NRG1: variants seen among roughly 807,000 people sequenced by gnomAD.
NRG1 encodes the protein neuregulin 1, also known as pro-neuregulin-1, membrane-bound isoform.
In NRG1, 18 loss-of-function variants were observed where a neutral mutation model predicts 63.8. The ratio of observed to expected loss-of-function variants is 0.28; its 90% CI spans 0.19 to 0.42. The LOEUF (loss-of-function observed/expected upper bound fraction) is 0.42, where lower values mean the gene tolerates loss of function less well. Ranked by LOEUF, NRG1 falls within the 10% of genes least tolerant of loss-of-function variation. The probability of loss-of-function intolerance (pLI) is 1.00; values close to 1 mark genes in which losing one functional copy is unlikely to be tolerated. For synonymous variants in NRG1, 302 were observed against 301.3 expected, an observed-to-expected ratio of 1.00 and a Z score of -0.02; for missense variants, 762 against 814.7, an observed-to-expected ratio of 0.94 and a Z score of 0.79.
At chr8:31,830,022 C>T (rs1824952044) in intron 1 of NRG1, among the ~76,000 whole-genome samples, 1 of 152,216 alleles carries the variant, frequency 6.6e-6, no homozygotes, top group Non-Finnish European at 1.5e-5. Context: ...CTAAACTTTT[C>T]TTTCTGGTGA....
intron 1 of NRG1, among the ~76,000 whole-genome samples, chr8:32,075,723 AG>A (rs1323503024): frequency 1.4e-4 from 18 of 130,822 alleles, no homozygotes; most frequent in African/African-American, 4.1e-4. Flanking sequence ...CCCAGGCTGG[AG>A]TGCATTGGTG....
At chr8:32,360,591 G>T (rs765535761) in intron 1 of NRG1, among the ~76,000 whole-genome samples, 7 of 151,948 alleles carry the variant, frequency 4.6e-5, no homozygotes, top group African/African-American at 1.4e-4. Context: ...TTCTTTTGTC[G>T]TTTTACAGAA....
chr8:31,643,804 A>G (rs1804031920), intron 1 of NRG1, among the ~76,000 whole-genome samples: 1 of 152,230 alleles, frequency 6.6e-6, no homozygotes, highest in African/African-American at 2.4e-5. Flanking sequence ...TTTAGCTTCC[A>G]AAGCATTGTG....
intron 1 of NRG1, among the ~76,000 whole-genome samples, chr8:32,478,088 G>T (rs1307480401): frequency 6.6e-6 from 1 of 152,228 alleles, no homozygotes; most frequent in African/African-American, 2.4e-5. Flanking sequence ...TTGAGTGAGT[G>T]TTGCCACTTT....
chr8:32,618,084 T>C (rs1847700894), intron 5 of NRG1, among the ~76,000 whole-genome samples: 1 of 152,158 alleles, frequency 6.6e-6, no homozygotes, highest in African/African-American at 2.4e-5. Flanking sequence ...CATCATATCC[T>C]CCAAAATGAT....
At chr8:32,536,994 C>G (rs10108344) in intron 1 of NRG1, among the ~76,000 whole-genome samples, 143,928 of 144,146 alleles carry the variant, frequency 1, 71,856 homozygotes, top group Middle Eastern at 1. Flanking sequence ...TGTAATCCCA[C>G]CATTTTGGGA....
chr8:31,911,874 T>C (rs903864418), intron 1 of NRG1, among the ~76,000 whole-genome samples: 2 of 152,216 alleles, frequency 1.3e-5, no homozygotes, highest in African/African-American at 4.8e-5. Context: ...TAGAGTTCAG[T>C]AATGGATCTG....
intron 1 of NRG1, among the ~76,000 whole-genome samples, chr8:32,312,445 G>C (rs927288145): frequency 3.3e-5 from 5 of 150,564 alleles, no homozygotes; most frequent in African/African-American, 1.2e-4. Context: ...AAAGTGCTGG[G>C]ATTACAGGCA....
At chr8:32,274,349 G>A (rs796249674) in intron 1 of NRG1, among the ~76,000 whole-genome samples, 1 of 152,130 alleles carries the variant, frequency 6.6e-6, no homozygotes, top group East Asian at 1.9e-4. Flanking sequence ...GTGTGAAAAG[G>A]TTTCATTAAA....
chr8:32,748,396 G>GAGAGAGAGAT (rs1827986548), intron 7 of NRG1, among the ~76,000 whole-genome samples: 2 of 146,920 alleles, frequency 1.4e-5, no homozygotes, highest in Non-Finnish European at 3.0e-5. Flanking sequence ...GAGAGAGAGA[G>GAGAGAGAGAT]ATAAAGGAAG....
At chr8:32,673,991 C>T (rs142550532) in intron 5 of NRG1, among the ~76,000 whole-genome samples, 381 of 152,274 alleles carry the variant, frequency 2.5e-3, no homozygotes, top group African/African-American at 8.6e-3. Flanking sequence ...GTAATCTTGA[C>T]TCATTTTAAT....
chr8:32,014,641 G>C (rs1049815121), intron 1 of NRG1, among the ~76,000 whole-genome samples: 2 of 151,818 alleles, frequency 1.3e-5, no homozygotes, highest in Non-Finnish European at 2.9e-5. Context: ...AACTCACAAG[G>C]ACTTGATTTT....
chr8:32,084,462 T>C (rs1233791354), intron 1 of NRG1, among the ~76,000 whole-genome samples: 1 of 152,200 alleles, frequency 6.6e-6, no homozygotes, highest in Admixed American at 6.5e-5. Flanking sequence ...ATGTAAATTA[T>C]AGCTTGTGCC....
rs138642946 is a variant in NRG1 at position 31,929,657 on chromosome 8, T to C, written c.37+290226T>C. 3.5e-3 allele frequency among the ~76,000 whole-genome samples: 526 copies of C among 152,330 alleles called. 3 individuals are homozygous for C. The highest frequency in any genetic ancestry group is 0.027 in the South Asian group (129 of 4,832). On this transcript the variant is annotated intron_variant, in intron 1 of 10. Transcript: ENST00000519301. Reference sequence around the variant, plus strand: ...TAAATAACATTCTATGCTGAAAATATTTTTAATTGCTATAAATTGCCCAAC... The same window carrying C: ...TAAATAACATTCTATGCTGAAAATACTTTTAATTGCTATAAATTGCCCAAC...
chr8:32,244,868 A>T (rs1328130366), intron 1 of NRG1, among the ~76,000 whole-genome samples: 2 of 152,220 alleles, frequency 1.3e-5, no homozygotes, highest in Non-Finnish European at 2.9e-5. Context: ...TTTAAAATGA[A>T]AAACATTAAT....
intron 1 of NRG1, among the ~76,000 whole-genome samples, chr8:32,478,685 G>T (rs1425705686): frequency 6.6e-6 from 1 of 152,176 alleles, no homozygotes; most frequent in Non-Finnish European, 1.5e-5. Context: ...ACCACATGAT[G>T]ACAGCGGGAT....
At chr8:32,279,020 T>G (rs544818330) in intron 1 of NRG1, among the ~76,000 whole-genome samples, 1 of 152,216 alleles carries the variant, frequency 6.6e-6, no homozygotes, top group Admixed American at 6.5e-5. Context: ...ATTATGTTGA[T>G]GAATAAAGGG....
chr8:32,532,931 C>T (rs34620005), intron 1 of NRG1, among the ~76,000 whole-genome samples: 23,356 of 151,440 alleles, frequency 0.15, 2,152 homozygotes, highest in Non-Finnish European at 0.19. Flanking sequence ...AAAACATTTA[C>T]TTAAGTTGCT....
At chr8:32,670,815 A>G (rs1217119743) in intron 5 of NRG1, among the ~76,000 whole-genome samples, 1 of 152,220 alleles carries the variant, frequency 6.6e-6, no homozygotes, top group African/African-American at 2.4e-5. Flanking sequence ...AAAATCACAC[A>G]TCCATGGGTA....
Sources: gnomAD v4.1 joint callset for allele counts (sites outside exome capture counted in the v4.1 genomes callset) on GRCh38, gnomAD v4.1.1 for gene constraint, MANE v1.5 for transcripts, NCBI Gene and HGNC (gene_info 2026-07-23, HGNC 2026-07-21) for gene names.